IRAK1BP1: variants seen among roughly 807,000 people sequenced by gnomAD.
IRAK1BP1 encodes interleukin 1 receptor associated kinase 1 binding protein 1.
Under a neutral mutation model 28.0 loss-of-function variants are expected in IRAK1BP1, and 24 were observed. The observed-to-expected ratio is 0.86, with a 90% CI of 0.62 to 1.20. IRAK1BP1 has a LOEUF of 1.20. Ranked by LOEUF, IRAK1BP1 falls within the 50% of genes most tolerant of loss-of-function variation. The pLI is 0.00. For synonymous variants in IRAK1BP1, 131 were observed against 116.3 expected, an observed-to-expected ratio of 1.13 and a Z score of -0.81; for missense variants, 336 against 316.7, an observed-to-expected ratio of 1.06 and a Z score of -0.46.
intron 4 of IRAK1BP1, among the ~76,000 whole-genome samples, chr6:78,911,362 C>G (rs1379299188): frequency 6.6e-6 from 1 of 152,130 alleles, no homozygotes; most frequent in Non-Finnish European, 1.5e-5. Context: ...CAAGGCACCT[C>G]AAGATCCGAT....
At chr6:78,945,484 A>G in exon 5 of IRAK1BP1, 1 of 1,598,732 alleles carries the variant, frequency 6.3e-7, no homozygotes. Context: ...AATGTTTCAC[A>G]GAATTCTCTA....
the IRAK1BP1 span, chr6:78,956,586 T>C: frequency 3.9e-5 from 6 of 152,248 alleles, no homozygotes; most frequent in African/African-American, 1.4e-4. Context: ...ACCCACGATG[T>C]GGCCCCAACT....
At chr6:78,872,306 C>A (rs1169397414) in intron 1 of IRAK1BP1, among the ~76,000 whole-genome samples, 2 of 152,108 alleles carry the variant, frequency 1.3e-5, no homozygotes, top group African/African-American at 4.8e-5. Context: ...TAACTGTATG[C>A]AAATCTTTGT....
chr6:78,888,022 CT>C (rs1309780857), intron 2 of IRAK1BP1, among the ~76,000 whole-genome samples: 4 of 48,480 alleles, frequency 8.3e-5, no homozygotes, highest in Non-Finnish European at 2.0e-4. Context: ...ATTATTTAGC[CT>C]TAAAAAAAAG....
At chr6:78,883,023 A>T (rs1340077444) in intron 1 of IRAK1BP1, among the ~76,000 whole-genome samples, 1 of 152,120 alleles carries the variant, frequency 6.6e-6, no homozygotes, top group East Asian at 1.9e-4. Context: ...TTGAGAGTCT[A>T]AGGTGGAAGG....
intron 1 of IRAK1BP1, among the ~76,000 whole-genome samples, chr6:78,878,966 A>G (rs1771114983): frequency 6.6e-6 from 1 of 152,210 alleles, no homozygotes; most frequent in African/African-American, 2.4e-5. Context: ...AAAATAAACG[A>G]ACAAAGCCTC....
rs1365314753 is a variant in IRAK1BP1, at chr6:78,898,375, A to G, written c.*41A>G. On this transcript the variant is annotated 3_prime_UTR_variant, in exon 4 of 4. Coordinates refer to ENST00000369940, the MANE Select transcript of IRAK1BP1 (RefSeq NM_001010844.4). ...ATATTGTACTTGTATCTTTTTACCT[A>G]TTTTTATACTTTTTATAATGTTTAC... 2.9e-6 allele frequency: 3 copies of G among 1,018,314 alleles called. No individual in the cohort carries two copies. The highest frequency in any genetic ancestry group is 4.0e-6 in the Non-Finnish European group (3 of 757,702). The allele number at this position is 1,018,314 out of a possible 1,614,324, so 63.1% of individuals were successfully genotyped here.
chr6:78,906,243 T>C (rs1772258065), downstream of IRAK1BP1, among the ~76,000 whole-genome samples: 1 of 152,100 alleles, frequency 6.6e-6, no homozygotes, highest in South Asian at 2.1e-4. Context: ...TTTTTCTGAG[T>C]AACCTAGTTT....
At chr6:78,956,855 A>C in the IRAK1BP1 span, 2 of 152,056 alleles carry the variant, frequency 1.3e-5, no homozygotes, top group African/African-American at 4.8e-5. Flanking sequence ...TACTTGTCAC[A>C]GTTTTCCTTA....
chr6:78,935,742 T>C (rs927919924), intron 4 of IRAK1BP1: 2 of 985,292 alleles, frequency 2.0e-6, no homozygotes, highest in Non-Finnish European at 1.2e-6. Flanking sequence ...TGAACCAGCA[T>C]TTACATAATG....
intron 4 of IRAK1BP1, among the ~76,000 whole-genome samples, chr6:78,934,642 A>G (rs1773195334): frequency 6.6e-6 from 1 of 152,228 alleles, no homozygotes; most frequent in Non-Finnish European, 1.5e-5. Flanking sequence ...TATAAAAGCC[A>G]AAGTTGAGCC....
At chr6:78,965,393 T>C in the IRAK1BP1 span, among the ~76,000 whole-genome samples, 2 of 152,346 alleles carry the variant, frequency 1.3e-5, no homozygotes, top group East Asian at 3.9e-4. Flanking sequence ...TTAAACACTC[T>C]GCTAAAGTTA....
At chr6:78,969,886 G>C in the IRAK1BP1 span, 1 of 1,600,432 alleles carries the variant, frequency 6.2e-7, no homozygotes, top group Non-Finnish European at 8.5e-7. Flanking sequence ...CTCAAGACTA[G>C]GAAATCTATA....
downstream of IRAK1BP1, among the ~76,000 whole-genome samples, chr6:78,948,468 A>AT (rs576242464): frequency 4.1e-4 from 62 of 151,136 alleles, no homozygotes; most frequent in East Asian, 1.9e-3. Context: ...AGAATATGCT[A>AT]TTTTTTTTTA....
chr6:78,903,328 C>CAA (rs199955033), downstream of IRAK1BP1, among the ~76,000 whole-genome samples: 2 of 136,368 alleles, frequency 1.5e-5, no homozygotes, highest in East Asian at 4.2e-4. Context: ...ACTAAAAATA[C>CAA]AAAAAAAAAA....
chr6:78,946,392 CAT>C, exon 5 of IRAK1BP1: 1 of 1,391,146 alleles, frequency 7.2e-7, no homozygotes, highest in Non-Finnish European at 9.5e-7. Context: ...TAGTGGATTT[CAT>C]ATGATTGTGA....
At chr6:78,888,624 T>C (rs1044633960) in intron 2 of IRAK1BP1, among the ~76,000 whole-genome samples, 1 of 151,826 alleles carries the variant, frequency 6.6e-6, no homozygotes, top group Non-Finnish European at 1.5e-5. Context: ...TTCAAGTGAT[T>C]CTCCTGCCTC....
chr6:78,944,059 A>T (rs1454369847), intron 4 of IRAK1BP1, among the ~76,000 whole-genome samples: 1 of 151,786 alleles, frequency 6.6e-6, no homozygotes, highest in Non-Finnish European at 1.5e-5. Context: ...AGACTTCCTA[A>T]AGAAGACGAT....
chr6:78,908,166 T>A (rs1031460924), intron 4 of IRAK1BP1, among the ~76,000 whole-genome samples: 8 of 151,900 alleles, frequency 5.3e-5, no homozygotes, highest in Non-Finnish European at 5.9e-5. Context: ...TTCTCCTGCC[T>A]CAGCCTCCCG....
Sources: gnomAD v4.1 joint callset for allele counts (sites outside exome capture counted in the v4.1 genomes callset) on GRCh38, gnomAD v4.1.1 for gene constraint, MANE v1.5 for transcripts, NCBI Gene and HGNC (gene_info 2026-07-23, HGNC 2026-07-21) for gene names.